The following HTR1F variants were observed in gnomAD, a reference collection of about 807,000 sequenced individuals.
The protein encoded by HTR1F is 5-hydroxytryptamine receptor 1F.
A neutral mutation model predicts 24.0 loss-of-function variants in HTR1F; 17 were observed. That is an observed-to-expected ratio of 0.71 (90% CI 0.48 to 1.06). The LOEUF is 1.06. Among genes scored for constraint, HTR1F ranks in the 50% least tolerant of loss-of-function variants. The probability of loss-of-function intolerance (pLI) is 0.00; values close to 1 mark genes in which losing one functional copy is unlikely to be tolerated. For missense variants in HTR1F, 391 were observed against 427.8 expected (o/e 0.91, Z 0.76); for synonymous variants, 186 against 156.8 (o/e 1.19, Z -1.39).
At chr3:87,981,817 A>T (rs1705550002) in intron 2 of HTR1F, among the ~76,000 whole-genome samples, 1 of 152,198 alleles carries the variant, frequency 6.6e-6, no homozygotes, top group African/African-American at 2.4e-5. Context: ...TTGCAATTTA[A>T]TTATTTTCTC....
intron 2 of HTR1F, among the ~76,000 whole-genome samples, chr3:87,925,797 T>A (rs1332128747): frequency 6.6e-6 from 1 of 152,096 alleles, no homozygotes; most frequent in African/African-American, 2.4e-5. Context: ...CTGCTAGAGA[T>A]CTCCCCTTTA....
At chr3:87,980,664 G>A (rs1334707824) in intron 2 of HTR1F, among the ~76,000 whole-genome samples, 4 of 16,624 alleles carry the variant, frequency 2.4e-4, no homozygotes, top group Non-Finnish European at 5.7e-4. Context: ...ATCATCCATG[G>A]TGCTCAGGCT....
At chr3:87,903,585 A>C (rs1384668090) in intron 2 of HTR1F, among the ~76,000 whole-genome samples, 4 of 151,356 alleles carry the variant, frequency 2.6e-5, no homozygotes, top group African/African-American at 9.7e-5. Context: ...ATACCATCTC[A>C]CACCAGTTAG....
chr3:87,859,061 G>A (rs1705260803), intron 2 of HTR1F, among the ~76,000 whole-genome samples: 1 of 152,118 alleles, frequency 6.6e-6, no homozygotes, highest in Non-Finnish European at 1.5e-5. Flanking sequence ...GCCAGACTTG[G>A]TGGTAGATGC....
At chr3:87,924,317 G>C (rs550601029) in intron 2 of HTR1F, among the ~76,000 whole-genome samples, 1 of 152,146 alleles carries the variant, frequency 6.6e-6, no homozygotes, top group African/African-American at 2.4e-5. Context: ...GGTTCTTATT[G>C]ATAGGTTAAG....
intron 2 of HTR1F, among the ~76,000 whole-genome samples, chr3:87,845,446 A>C (rs1704918915): frequency 6.7e-6 from 1 of 149,164 alleles, no homozygotes; most frequent in African/African-American, 2.5e-5. Flanking sequence ...ACAACAGACA[A>C]ACAGAGAGCC....
chr3:87,913,617 A>G (rs748566313), intron 2 of HTR1F, among the ~76,000 whole-genome samples: 9 of 152,226 alleles, frequency 5.9e-5, no homozygotes, highest in Non-Finnish European at 1.3e-4. Flanking sequence ...TCTGTTATAA[A>G]GACACATGTA....
intron 2 of HTR1F, among the ~76,000 whole-genome samples, chr3:87,933,541 G>A (rs1465705510): frequency 6.6e-6 from 1 of 151,460 alleles, no homozygotes; most frequent in Non-Finnish European, 1.5e-5. Context: ...AAAATCACAA[G>A]CATTATTATA....
At chr3:87,812,024 T>C (rs890476756) in intron 1 of HTR1F, among the ~76,000 whole-genome samples, 6 of 152,200 alleles carry the variant, frequency 3.9e-5, no homozygotes, top group African/African-American at 7.2e-5. Flanking sequence ...CTGCCATGAT[T>C]GTGCGTTTCC....
chr3:87,881,925 C>G (rs1480803090), intron 2 of HTR1F, among the ~76,000 whole-genome samples: 3 of 152,014 alleles, frequency 2.0e-5, no homozygotes, highest in Non-Finnish European at 2.9e-5. Context: ...AACAGGCAAC[C>G]CACAAAATGG....
chr3:87,885,251 T>C (rs1705908937), intron 2 of HTR1F, among the ~76,000 whole-genome samples: 1 of 152,078 alleles, frequency 6.6e-6, no homozygotes, highest in Non-Finnish European at 1.5e-5. Flanking sequence ...ACTGGGTAGA[T>C]AACGAAATGA....
chr3:87,811,914 G>C lies in HTR1F; in HGVS notation c.-159-10094G>C, dbSNP rs117359716. ...CCCCATGTTGTTCTCATGATAGTGA[G>C]TGAGTGCTGATGAGATCTGATGGCT... On this transcript the variant is annotated intron_variant, in intron 1 of 2. Coordinates refer to ENST00000319595, the MANE Select transcript of HTR1F (RefSeq NM_001322209.2). Among the ~76,000 whole-genome samples, 94 of 152,282 alleles carry C rather than the reference G, an allele frequency of 6.2e-4. No individual in the cohort carries two copies. The East Asian group carries it at 0.015, about 24-fold the overall frequency.
chr3:87,972,665 A>C (rs1289385848), intron 2 of HTR1F, among the ~76,000 whole-genome samples: 1 of 152,106 alleles, frequency 6.6e-6, no homozygotes, highest in African/African-American at 2.4e-5. Flanking sequence ...TTGTGTTCCC[A>C]ATCATGTAAA....
intron 2 of HTR1F, among the ~76,000 whole-genome samples, chr3:87,903,554 G>A (rs1347973301): frequency 2.6e-5 from 4 of 151,018 alleles, no homozygotes; most frequent in Non-Finnish European, 5.9e-5. Context: ...TCAGAGAAAT[G>A]CAAATCAAAA....
intron 2 of HTR1F, among the ~76,000 whole-genome samples, chr3:87,946,117 C>G (rs1246447700): frequency 3.9e-5 from 6 of 152,194 alleles, no homozygotes; most frequent in Non-Finnish European, 8.8e-5. Flanking sequence ...CTTAGCCATG[C>G]AGGAACAATG....
intron 2 of HTR1F, among the ~76,000 whole-genome samples, chr3:87,940,247 A>G (rs1312657828): frequency 1.3e-5 from 2 of 152,160 alleles, no homozygotes; most frequent in African/African-American, 4.8e-5. Flanking sequence ...TATGATTTCC[A>G]TTCTTTTGCC....
At chr3:87,847,246 AATCTT>A (rs1704965145) in intron 2 of HTR1F, among the ~76,000 whole-genome samples, 2 of 151,842 alleles carry the variant, frequency 1.3e-5, no homozygotes, top group South Asian at 4.1e-4. Context: ...GAGGCACTTT[AATCTT>A]ATATTTTTGC....
chr3:87,946,791 A>G (rs895667660), intron 2 of HTR1F, among the ~76,000 whole-genome samples: 3 of 151,526 alleles, frequency 2.0e-5, no homozygotes, highest in Admixed American at 6.6e-5. Context: ...ACGCCCAGCT[A>G]ATTTTTTGTG....
intron 2 of HTR1F, among the ~76,000 whole-genome samples, chr3:87,973,552 A>G (rs1371891758): frequency 2.0e-5 from 3 of 152,224 alleles, no homozygotes; most frequent in East Asian, 1.9e-4. Flanking sequence ...TAAAAAACAC[A>G]TTCACTAATA....
Sources: gnomAD v4.1 joint callset for allele counts (sites outside exome capture counted in the v4.1 genomes callset) on GRCh38, gnomAD v4.1.1 for gene constraint, MANE v1.5 for transcripts, NCBI Gene and HGNC (gene_info 2026-07-23, HGNC 2026-07-21) for gene names.